Variants in SEMA5A observed in about 807,000 individuals in gnomAD.
The protein encoded by SEMA5A is semaphorin 5A, also known as semaphorin-5A.
Under a neutral mutation model 135.5 loss-of-function variants are expected in SEMA5A, and 55 were observed. The observed-to-expected ratio is 0.41, with a 90% CI of 0.33 to 0.51. SEMA5A has a LOEUF of 0.51. Ranked by LOEUF, SEMA5A falls within the 20% of genes least tolerant of loss-of-function variation. The pLI, the probability that SEMA5A is intolerant of heterozygous loss-of-function variation, is 0.37. For missense variants in SEMA5A, 1,290 were observed against 1,419.9 expected (o/e 0.91, Z 1.47); for synonymous variants, 580 against 546.5 (o/e 1.06, Z -0.85).
chr5:9,208,615 T>A (rs189012935), intron 8 of SEMA5A, among the ~76,000 whole-genome samples: 6 of 151,646 alleles, frequency 4.0e-5, no homozygotes, highest in Non-Finnish European at 7.4e-5. Context: ...GAAGAGAACA[T>A]CCCTGCCAGA....
chr5:9,296,601 C>T (rs1751344713), intron 5 of SEMA5A, among the ~76,000 whole-genome samples: 1 of 151,930 alleles, frequency 6.6e-6, no homozygotes, highest in South Asian at 2.1e-4. Flanking sequence ...GTATTTCATA[C>T]CTTTATGCTC....
chr5:9,519,730 G>A (rs1579675688), intron 1 of SEMA5A: 1 of 152,180 alleles, frequency 6.6e-6, no homozygotes, highest in Non-Finnish European at 1.5e-5. Context: ...AAACCAGCAA[G>A]GGCCAAAACC....
intron 8 of SEMA5A, among the ~76,000 whole-genome samples, chr5:9,202,695 T>C (rs1232422366): frequency 6.6e-6 from 1 of 152,212 alleles, no homozygotes; most frequent in Non-Finnish European, 1.5e-5. Flanking sequence ...TTATTTGACT[T>C]ATATACATTC....
intron 13 of SEMA5A, among the ~76,000 whole-genome samples, chr5:9,130,274 T>G (rs1168495919): frequency 6.6e-6 from 1 of 152,218 alleles, no homozygotes; most frequent in Non-Finnish European, 1.5e-5. Context: ...AATTGAAGTC[T>G]TATTTTTCTA....
intron 1 of SEMA5A, among the ~76,000 whole-genome samples, chr5:9,523,367 T>C (rs972346010): frequency 6.6e-6 from 1 of 152,196 alleles, no homozygotes; most frequent in Non-Finnish European, 1.5e-5. Context: ...CTTACTTAGG[T>C]TCATGAATCC....
chr5:9,426,371 GC>G (rs985866087), intron 2 of SEMA5A, among the ~76,000 whole-genome samples: 1 of 150,618 alleles, frequency 6.6e-6, no homozygotes, highest in Non-Finnish European at 1.5e-5. Flanking sequence ...CTTGCAGTGA[GC>G]CGAGATCACG....
At chr5:9,226,726 T>C (rs1456374710) in intron 7 of SEMA5A, 143 bp downstream of exon 7, 2 of 515,402 alleles carry the variant, frequency 3.9e-6, no homozygotes, top group Non-Finnish European at 7.0e-6. Flanking sequence ...ATAAATCAAA[T>C]ATTTATTCAA....
chr5:9,330,547 C>T (rs773105566), intron 4 of SEMA5A, among the ~76,000 whole-genome samples: 57 of 152,176 alleles, frequency 3.7e-4, no homozygotes, highest in Admixed American at 1.2e-3. Context: ...CACCCTGAGC[C>T]AGCTAAATCA....
chr5:9,176,846 G>A lies in SEMA5A; in HGVS notation c.1273+13421C>T, dbSNP rs1156901395. ...CAGGATAATGGTGATCTGGTATTCA[G>A]GTCAGACTCTCCCTCTCAGGAATGT... On this transcript the variant is annotated intron_variant, in intron 11 of 22. Coordinates refer to ENST00000382496, the MANE Select transcript of SEMA5A (RefSeq NM_003966.3). Among the ~76,000 whole-genome samples, 5 of 152,216 alleles carry A rather than the reference G, an allele frequency of 3.3e-5. No homozygotes were observed. In the East Asian group the frequency reaches 9.6e-4, roughly 29 times the overall value.
intron 1 of SEMA5A, among the ~76,000 whole-genome samples, chr5:9,542,346 G>A (rs187645785): frequency 7.6e-4 from 115 of 152,212 alleles, no homozygotes; most frequent in African/African-American, 2.6e-3. Context: ...AATTTTAAAA[G>A]GTTGCTGAGA....
At chr5:9,221,316 T>C (rs950797744) in intron 8 of SEMA5A, among the ~76,000 whole-genome samples, 1 of 148,466 alleles carries the variant, frequency 6.7e-6, no homozygotes, top group African/African-American at 2.5e-5. Context: ...TTTTTTTTTT[T>C]TTTTGAGACG....
intron 6 of SEMA5A, 32 bp downstream of exon 6, chr5:9,237,796 G>A (rs1235276746): frequency 3.1e-6 from 5 of 1,603,990 alleles, no homozygotes; most frequent in Non-Finnish European, 4.3e-6. Context: ...TCAAGACAGG[G>A]TGATGGCTGC....
chr5:9,154,380 G>C, intron 12 of SEMA5A, 108 bp downstream of exon 12: 1 of 869,850 alleles, frequency 1.1e-6, no homozygotes, highest in Non-Finnish European at 1.8e-6. Flanking sequence ...AGGCATGAAG[G>C]GTGGCTCTGA....
At chr5:9,394,677 T>G (rs1756312312) in intron 2 of SEMA5A, among the ~76,000 whole-genome samples, 1 of 152,076 alleles carries the variant, frequency 6.6e-6, no homozygotes, top group African/African-American at 2.4e-5. Flanking sequence ...GAAGTGGAAA[T>G]AAAGAGACCA....
intron 8 of SEMA5A, among the ~76,000 whole-genome samples, chr5:9,202,731 C>T (rs539260384): frequency 1.3e-5 from 2 of 152,222 alleles, no homozygotes; most frequent in South Asian, 2.1e-4. Flanking sequence ...AATGTATGTG[C>T]TTTTACTAAG....
chr5:9,524,636 G>A (rs896130700), intron 1 of SEMA5A, among the ~76,000 whole-genome samples: 2 of 152,174 alleles, frequency 1.3e-5, no homozygotes, highest in African/African-American at 4.8e-5. Context: ...CACCGAGTGT[G>A]TGCTGATTTG....
At chr5:9,135,093 G>A (rs549745688) in intron 13 of SEMA5A, among the ~76,000 whole-genome samples, 103 of 152,072 alleles carry the variant, frequency 6.8e-4, no homozygotes, top group Admixed American at 6.1e-3. Flanking sequence ...CCCTTGATTC[G>A]GTGCCAACAT....
chr5:9,052,901 T>G (rs1043415635), intron 19 of SEMA5A, among the ~76,000 whole-genome samples: 1 of 152,180 alleles, frequency 6.6e-6, no homozygotes, highest in Non-Finnish European at 1.5e-5. Flanking sequence ...CCTTTTTAAA[T>G]AGAAGCATCC....
chr5:9,133,413 T>C (rs189689480), intron 13 of SEMA5A, among the ~76,000 whole-genome samples: 173 of 152,342 alleles, frequency 1.1e-3, no homozygotes, highest in Admixed American at 4.2e-3. Context: ...TTGTCTTTTG[T>C]TGCCTTCTTT....
Sources: gnomAD v4.1 joint callset for allele counts (sites outside exome capture counted in the v4.1 genomes callset) on GRCh38, gnomAD v4.1.1 for gene constraint, MANE v1.5 for transcripts, NCBI Gene and HGNC (gene_info 2026-07-23, HGNC 2026-07-21) for gene names.